MUC17: variants seen among roughly 807,000 people sequenced by gnomAD.
MUC17 encodes mucin 17, cell surface associated, also known as mucin-17.
In MUC17, 190 loss-of-function variants were observed where a neutral mutation model predicts 170.3. That is an observed-to-expected ratio of 1.12 (90% CI 0.99 to 1.26). MUC17 has a LOEUF of 1.26. Ranked by LOEUF, MUC17 falls within the 50% of genes most tolerant of loss-of-function variation. The pLI is 0.00. For synonymous variants in MUC17, 2,325 were observed against 2,002.5 expected (o/e 1.16, Z -4.30); for missense variants, 6,415 against 5,530.0 (o/e 1.16, Z -5.08).
intron 1 of MUC17, among the ~76,000 whole-genome samples, chr7:101,025,658 GT>G (rs1794167406): frequency 6.6e-6 from 1 of 152,246 alleles, no homozygotes; most frequent in African/African-American, 2.4e-5. Flanking sequence ...GCCAGGTGTA[GT>G]TATGTGCCCC....
At chr7:101,053,883 A>C (rs1795001547) in intron 11 of MUC17, among the ~76,000 whole-genome samples, 1 of 150,040 alleles carries the variant, frequency 6.7e-6, no homozygotes, top group Admixed American at 6.7e-5. Flanking sequence ...TCCGTCTCAA[A>C]AAAAAAAAAA....
rs757394225 is a variant in MUC17, at chr7:101,038,423, G to C, written c.7007G>C (p.Gly2336Ala). Reference sequence around the variant, plus strand: ...ATGCCAACCTCAACTTCTAGTGAAGGAAACACTCCATTAACACGTATGCCT... The same window carrying C: ...ATGCCAACCTCAACTTCTAGTGAAGCAAACACTCCATTAACACGTATGCCT... ...TSMPTSTSSE[G>A]NTPLTRMPVS... Residue 2336 changes from glycine (G) to alanine (A), a missense_variant, in exon 3 of 13, where the codon GGA becomes GCA. Gly to Ala is a moderately conservative substitution (Grantham distance 60). Coordinates refer to ENST00000306151, the MANE Select transcript of MUC17 (RefSeq NM_001040105.2). 1.2e-6 allele frequency: 2 copies of C among 1,613,766 alleles called. No homozygotes were observed. The highest frequency in any genetic ancestry group is 1.7e-5 in the Admixed American group (1 of 59,976).
At chr7:101,045,097 A>G (rs1369087581) in intron 3 of MUC17, among the ~76,000 whole-genome samples, 2 of 152,230 alleles carry the variant, frequency 1.3e-5, no homozygotes, top group East Asian at 3.8e-4. Flanking sequence ...ATATTTTATT[A>G]TATGAATCAT....
chr7:101,049,341 C>G lies in MUC17; in HGVS notation c.12681C>G (p.Ser4227=), dbSNP rs373140626. 7 of 1,613,890 alleles carry G rather than the reference C, an allele frequency of 4.3e-6. No individual in the cohort carries two copies. Among genetic ancestry groups the G allele is most frequent in the Non-Finnish European group, 5.9e-6 (7 of 1,179,960 alleles). The change falls in exon 6 of 13, where the codon TCC becomes TCG. Residue 4227 remains serine (S), a synonymous_variant. Transcript: ENST00000306151. ...TFTEQMNIVY[S]GIPEYVGVNI... Reference sequence around the variant, plus strand: ...CCTTTCAGATGAATATTGTGTATTCCGGGATCCCTGAGTATGTCGGGGTGA... The same window carrying G: ...CCTTTCAGATGAATATTGTGTATTCGGGGATCCCTGAGTATGTCGGGGTGA...
intron 2 of MUC17, 43 bp from the exon 3 acceptor site, chr7:101,031,558 C>A: frequency 6.7e-7 from 1 of 1,503,158 alleles, no homozygotes; most frequent in Non-Finnish European, 8.9e-7. Flanking sequence ...ACATACAGAA[C>A]CCTAAGAAAC....
At chr7:101,051,709 G>A (rs1477536026) in intron 8 of MUC17, 28 bp downstream of exon 8, 1 of 1,608,522 alleles carries the variant, frequency 6.2e-7, no homozygotes, top group Admixed American at 1.7e-5. Context: ...GGGTTTGGGG[G>A]AAGGCTGGAG....
At chr7:101,024,408 A>C (rs1794145649) in intron 1 of MUC17, among the ~76,000 whole-genome samples, 1 of 151,856 alleles carries the variant, frequency 6.6e-6, no homozygotes, top group Non-Finnish European at 1.5e-5. Context: ...TCAAAAAAAA[A>C]AAAGAAAAAG....
Position 101,037,770 on chromosome 7 carries a change from G to A in MUC17, c.6354G>A (p.Glu2118=), listed in dbSNP as rs1794537847. ...PLSTTPVASP[E]ASTLSTTPVD... is the part of the protein sequence containing the mutation. ...GCACCACGCCGGTGGCCAGTCCTGA[G>A]GCTAGCACCCTTTCAACAACTCCTG... is the stretch of plus-strand genomic sequence containing the variant. The change falls in exon 3 of 13, where the codon GAG becomes GAA. Residue 2118 remains glutamate (E), a synonymous_variant. Coordinates refer to ENST00000306151, the MANE Select transcript of MUC17 (RefSeq NM_001040105.2). The A allele has an allele frequency of 3.1e-6, 5 of 1,613,188 alleles. No homozygotes were observed. The highest frequency in any genetic ancestry group is 2.7e-5 in the African/African-American group (2 of 74,866).
At position 101,032,595 on chromosome 7, in the gene MUC17, TC is replaced by T; in HGVS notation, c.1181del (p.Pro394HisfsTer2). ...CCTCAACTCTTAGTGAAGGAAGCAC[TC>T]CATTAACAAATATGCCTGTCAGCAC... ...LTSTLSEGST[P>X]LTNMPVSTIL... On this transcript the variant is annotated frameshift_variant, in exon 3 of 13. Transcript: ENST00000306151. LOFTEE classifies it high-confidence loss of function. 1 of 1,614,016 alleles carries T rather than the reference TC, an allele frequency of 6.2e-7. No homozygotes were observed. The highest frequency in any genetic ancestry group is 1.1e-5 in the South Asian group (1 of 91,076).
chr7:101,036,434 C>T lies in MUC17; in HGVS notation c.5018C>T (p.Thr1673Ile), dbSNP rs143909059. The change falls in exon 3 of 13, where the codon ACA becomes ATA. Residue 1673 changes from threonine (T) to isoleucine (I), a missense_variant. By Grantham distance (89) the Thr-to-Ile change is moderately conservative. Transcript: ENST00000306151. ...TCTACTGAAGTCAGTTCATCTCCTA[C>T]ACCTGCTGAAGGTACCAGCATGCCA... is the stretch of plus-strand genomic sequence containing the variant. The part of the protein sequence containing the change: ...ITSTEVSSSP[T>I]PAEGTSMPTS... 1.2e-3 allele frequency: 1,947 copies of T among 1,612,384 alleles called. 9 individuals carry two copies. The highest frequency in any genetic ancestry group is 1.0e-3 in the Non-Finnish European group (1,228 of 1,178,890).
chr7:101,024,604 C>G (rs1794148833), intron 1 of MUC17, among the ~76,000 whole-genome samples: 1 of 152,092 alleles, frequency 6.6e-6, no homozygotes, highest in Admixed American at 6.5e-5. Context: ...CCCTAACCTT[C>G]TGAGATCAGA....
At position 101,032,222 on chromosome 7, in the gene MUC17, C is replaced by T. The variant is rs767164654; in HGVS notation, c.806C>T (p.Ala269Val). 2 of 1,614,166 alleles carry T rather than the reference C, an allele frequency of 1.2e-6. No homozygotes were observed. The highest frequency in any genetic ancestry group is 4.5e-5 in the East Asian group (2 of 44,886). Residue 269 changes from alanine to valine, a missense_variant, in exon 3 of 13, where the codon GCT becomes GTT. Ala to Val is a moderately conservative substitution (Grantham distance 64). Coordinates refer to ENST00000306151, the MANE Select transcript of MUC17 (RefSeq NM_001040105.2). ...TAEGPSLSNS[A>V]PSGGSTPLTR... ...GAAGGTCCCAGCCTGTCAAACTCAG[C>T]TCCTAGTGGAGGAAGCACTCCATTA... is the stretch of plus-strand genomic sequence containing the variant.
Position 101,032,008 on chromosome 7 carries a change from C to T in MUC17, c.592C>T (p.Pro198Ser), listed in dbSNP as rs779318632. Residue 198 changes from proline to serine, a missense_variant, in exon 3 of 13, where the codon CCT becomes TCT. By Grantham distance (74) the Pro-to-Ser change is moderately conservative. Coordinates refer to ENST00000306151, the MANE Select transcript of MUC17 (RefSeq NM_001040105.2). ...CACTTCTACTCAGGCAAGTTCATCT[C>T]CTACTACTCCTGAAAGCACCACCAT... is the stretch of plus-strand genomic sequence containing the variant. The part of the protein sequence containing the change: ...LTTSTQASSS[P>S]TTPESTTIPK... 5 of 1,614,104 alleles carry T rather than the reference C, an allele frequency of 3.1e-6. No individual in the cohort carries two copies. The highest frequency in any genetic ancestry group is 2.7e-5 in the African/African-American group (2 of 74,950).
intron 1 of MUC17, among the ~76,000 whole-genome samples, chr7:101,025,527 C>A (rs538420351): frequency 2.0e-5 from 3 of 150,900 alleles, no homozygotes; most frequent in African/African-American, 7.3e-5. Flanking sequence ...CACAGTGGCT[C>A]ACACCAGTAA....
rs1324779240 is a variant in MUC17 at position 101,053,017 on chromosome 7, G to A, written c.13135G>A (p.Gly4379Arg). 1.9e-6 allele frequency: 3 copies of A among 1,614,070 alleles called. No homozygotes were observed. Among genetic ancestry groups the A allele is most frequent in the Admixed American group, 3.3e-5 (2 of 60,012 alleles). Reference sequence around the variant, plus strand: ...GACCACGGAAACTCACTGGTACAGTGGGGAGACCTGTAACCAGGGCACCCA... The same window carrying A: ...GACCACGGAAACTCACTGGTACAGTAGGGAGACCTGTAACCAGGGCACCCA... Reference protein sequence around the residue: ...CVTTETHWYSGETCNQGTQKS... With the variant: ...CVTTETHWYSRETCNQGTQKS... Residue 4379 changes from glycine (G) to arginine (R), a missense_variant, in exon 10 of 13, where the codon GGG becomes AGG. Transcript: ENST00000306151.
In MUC17 at chr7:101,035,110, G is replaced by T. The variant is rs1794422753; in HGVS notation, c.3694G>T (p.Ala1232Ser). ...TSMPVRHTPV[A>S]SSEASTLSTS... ...TATGCCTGTCAGACACACGCCAGTG[G>T]CCAGTTCTGAGGCTAGCACCCTTTC... is the stretch of plus-strand genomic sequence containing the variant. The change falls in exon 3 of 13, where the codon GCC (alanine) becomes TCC (serine). Residue 1232 changes from alanine (A) to serine (S), a missense_variant. Ala to Ser is a moderately conservative substitution (Grantham distance 99). Coordinates refer to ENST00000306151, the MANE Select transcript of MUC17 (RefSeq NM_001040105.2). 1.2e-6 allele frequency: 2 copies of T among 1,611,924 alleles called. No individual in the cohort carries two copies. The highest frequency in any genetic ancestry group is 2.2e-5 in the East Asian group (1 of 44,632).
chr7:101,047,649 G>A (rs1794864730), intron 3 of MUC17, among the ~76,000 whole-genome samples: 1 of 152,058 alleles, frequency 6.6e-6, no homozygotes, highest in South Asian at 2.1e-4. Context: ...GGCCAAACTG[G>A]TGAAACCCCG....
In MUC17 at chr7:101,037,971, T is replaced by C. The variant is rs1424213519; in HGVS notation, c.6555T>C (p.Pro2185=). The change falls in exon 3 of 13, where the codon CCT becomes CCC. Residue 2185 remains proline, a synonymous_variant. Coordinates refer to ENST00000306151, the MANE Select transcript of MUC17 (RefSeq NM_001040105.2). ...CAATCAGCACCCTTTCAACAACTCCTGTTGACACCAGCACACCTGTGACCA... is the reference window on the plus strand; with the variant it reads ...CAATCAGCACCCTTTCAACAACTCCCGTTGACACCAGCACACCTGTGACCA... The part of the protein sequence containing the change: ...SSAISTLSTT[P]VDTSTPVTNS... 1.2e-6 allele frequency: 2 copies of C among 1,608,468 alleles called. No homozygotes were observed. Among genetic ancestry groups the C allele is most frequent in the South Asian group, 1.1e-5 (1 of 90,260 alleles).
In MUC17 at chr7:101,038,484, C is replaced by A. The variant is rs750682699; in HGVS notation, c.7068C>A (p.Ser2356Arg). The change falls in exon 3 of 13, where the codon AGC (serine) becomes AGA (arginine). Residue 2356 changes from serine to arginine, a missense_variant. Ser to Arg is a moderately radical substitution (Grantham distance 110). Transcript: ENST00000306151. Reference sequence around the variant, plus strand: ...CAATGGTGGCCAGTTTTGAAACAAGCACACTTTCTACAACTCCTGCTGACA... The same window carrying A: ...CAATGGTGGCCAGTTTTGAAACAAGAACACTTTCTACAACTCCTGCTGACA... ...STTMVASFETSTLSTTPADTS... is the reference protein window; with the variant it reads ...STTMVASFETRTLSTTPADTS... 6.2e-7 allele frequency: 1 copy of A among 1,604,144 alleles called. No homozygotes were observed.
Sources: gnomAD v4.1 joint callset for allele counts (sites outside exome capture counted in the v4.1 genomes callset) on GRCh38, gnomAD v4.1.1 for gene constraint, MANE v1.5 for transcripts, NCBI Gene and HGNC (gene_info 2026-07-23, HGNC 2026-07-21) for gene names.